Variants in MAN2A1 observed in about 807,000 individuals in gnomAD.
MAN2A1 encodes mannosidase alpha class 2A member 1, also known as alpha-mannosidase 2.
A neutral mutation model predicts 142.6 loss-of-function variants in MAN2A1; 76 were observed. The ratio of observed to expected loss-of-function variants is 0.53; its 90% CI spans 0.44 to 0.65. The LOEUF is 0.65. Among genes scored for constraint, MAN2A1 ranks in the 30% least tolerant of loss-of-function variants. The pLI is 0.00. For missense variants in MAN2A1, 1,311 were observed against 1,365.1 expected (o/e 0.96, Z 0.62); for synonymous variants, 559 against 473.2 (o/e 1.18, Z -2.35).
chr5:109,861,154 T>C (rs1047138394), intron 20 of MAN2A1, among the ~76,000 whole-genome samples: 4 of 152,154 alleles, frequency 2.6e-5, no homozygotes, highest in Admixed American at 1.3e-4. Context: ...GTCAGGCTAC[T>C]CCTTAGTAAC....
intron 4 of MAN2A1, among the ~76,000 whole-genome samples, chr5:109,736,188 C>A (rs1237563831): frequency 6.6e-6 from 1 of 152,064 alleles, no homozygotes; most frequent in African/African-American, 2.4e-5. Flanking sequence ...TGCATAAACA[C>A]ACACACACAG....
At chr5:109,773,259 T>G (rs1379861557) in intron 7 of MAN2A1, among the ~76,000 whole-genome samples, 1 of 152,202 alleles carries the variant, frequency 6.6e-6, no homozygotes, top group African/African-American at 2.4e-5. Flanking sequence ...TGGACAGGCT[T>G]GAGAGTTAGG....
rs1259028143 is a variant in MAN2A1 at position 109,868,317 on chromosome 5, G to A, written c.*1319G>A. 6.6e-6 allele frequency: 1 copy of A among 152,140 alleles called. No homozygotes were observed. The highest frequency in any genetic ancestry group is 1.9e-4 in the East Asian group (1 of 5,200). The allele number at this position is 152,140 out of a possible 1,614,324, so 9.4% of individuals were successfully genotyped here. ...TGTGCTAACCTTAAAGTGAAGTTCT[G>A]AGCCCGTGTGCCATTACAGTGCTTT... On this transcript the variant is annotated 3_prime_UTR_variant, in exon 22 of 22. Coordinates refer to ENST00000261483, the MANE Select transcript of MAN2A1 (RefSeq NM_002372.4).
At chr5:109,798,729 T>C (rs1339033401) in intron 12 of MAN2A1, among the ~76,000 whole-genome samples, 5 of 152,318 alleles carry the variant, frequency 3.3e-5, no homozygotes, top group African/African-American at 1.2e-4. Context: ...TCGCCCAGGC[T>C]GGAGTGCAGT....
chr5:109,691,649 C>T lies in MAN2A1; in HGVS notation c.135+1097C>T, dbSNP rs555175282. Among the ~76,000 whole-genome samples the T allele has an allele frequency of 3.9e-5, 6 of 152,188 alleles. No individual in the cohort carries two copies. In the South Asian group the frequency reaches 1.0e-3, roughly 26 times the overall value. Reference sequence around the variant, plus strand: ...AATTGAGATTAAAGTAAAAACTTTACTGGAATTATTGTGAAAGTGAAAAAA... The same window carrying T: ...AATTGAGATTAAAGTAAAAACTTTATTGGAATTATTGTGAAAGTGAAAAAA... On this transcript the variant is annotated intron_variant, in intron 1 of 21. Transcript: ENST00000261483.
chr5:109,753,264 C>G (rs907043178), intron 4 of MAN2A1, among the ~76,000 whole-genome samples: 3 of 152,180 alleles, frequency 2.0e-5, no homozygotes, highest in Admixed American at 6.5e-5. Context: ...AGCCTCTAGA[C>G]TGTGGCTAAA....
intron 20 of MAN2A1, among the ~76,000 whole-genome samples, chr5:109,858,913 C>T (rs1227741624): frequency 6.6e-6 from 1 of 152,242 alleles, no homozygotes; most frequent in African/African-American, 2.4e-5. Flanking sequence ...TGACAACCCA[C>T]TGAGGTGGTT....
chr5:109,824,101 T>G (rs1754699870), intron 16 of MAN2A1, among the ~76,000 whole-genome samples: 1 of 152,240 alleles, frequency 6.6e-6, no homozygotes, highest in Admixed American at 6.5e-5. Context: ...ACTGGTAACT[T>G]TATTTTTAAC....
At chr5:109,784,138 T>A (rs1175154456) in intron 9 of MAN2A1, among the ~76,000 whole-genome samples, 1 of 152,170 alleles carries the variant, frequency 6.6e-6, no homozygotes, top group African/African-American at 2.4e-5. Flanking sequence ...TAAGCCACCA[T>A]GCCCAGCCGA....
intron 3 of MAN2A1, among the ~76,000 whole-genome samples, chr5:109,728,971 C>T (rs1356020323): frequency 6.6e-6 from 1 of 151,902 alleles, no homozygotes; most frequent in East Asian, 1.9e-4. Flanking sequence ...AACAGTACTG[C>T]CAACTTGTAA....
chr5:109,806,632 C>A (rs1754173740), intron 12 of MAN2A1, among the ~76,000 whole-genome samples: 1 of 152,102 alleles, frequency 6.6e-6, no homozygotes, highest in African/African-American at 2.4e-5. Context: ...TCATACTTTC[C>A]TTGCCATTCT....
intron 4 of MAN2A1, among the ~76,000 whole-genome samples, chr5:109,750,591 C>G (rs935360545): frequency 6.6e-6 from 1 of 152,158 alleles, no homozygotes; most frequent in African/African-American, 2.4e-5. Context: ...AAGCTATGTG[C>G]TTTCTGGCCT....
At chr5:109,798,952 A>G (rs1263505976) in intron 12 of MAN2A1, among the ~76,000 whole-genome samples, 1 of 152,084 alleles carries the variant, frequency 6.6e-6, no homozygotes, top group Non-Finnish European at 1.5e-5. Context: ...TCAGCCTCCA[A>G]AAGTGCTGGG....
At chr5:109,715,609 A>G (rs1056770095) in intron 2 of MAN2A1, among the ~76,000 whole-genome samples, 27 of 152,162 alleles carry the variant, frequency 1.8e-4, no homozygotes, top group African/African-American at 6.3e-4. Context: ...CTAGGATAAG[A>G]TAGGTAGATA....
chr5:109,741,662 C>T (rs527626056), intron 4 of MAN2A1, among the ~76,000 whole-genome samples: 1 of 152,232 alleles, frequency 6.6e-6, no homozygotes, highest in South Asian at 2.1e-4. Context: ...TTAACAGAAA[C>T]AAAACTCAAA....
chr5:109,773,689 A>C (rs1753210248), intron 7 of MAN2A1, among the ~76,000 whole-genome samples: 2 of 152,170 alleles, frequency 1.3e-5, no homozygotes, highest in Admixed American at 1.3e-4. Context: ...TTATATTTGC[A>C]AAGCAATTTC....
chr5:109,724,204 G>A (rs1200289738), intron 3 of MAN2A1, among the ~76,000 whole-genome samples: 1 of 152,076 alleles, frequency 6.6e-6, no homozygotes, highest in African/African-American at 2.4e-5. Flanking sequence ...GAAGAAACCT[G>A]TTCGTCATTT....
intron 4 of MAN2A1, among the ~76,000 whole-genome samples, chr5:109,732,498 C>T (rs1337543054): frequency 1.3e-5 from 2 of 152,222 alleles, no homozygotes; most frequent in South Asian, 4.1e-4. Flanking sequence ...GATTTTAGGT[C>T]TAACGTTTAA....
chr5:109,758,462 A>T (rs1048945724), intron 5 of MAN2A1, among the ~76,000 whole-genome samples: 1 of 151,452 alleles, frequency 6.6e-6, no homozygotes. Flanking sequence ...TTATTTTCTC[A>T]TTCTGTGGTT....
Sources: allele counts gnomAD v4.1 joint callset (sites outside exome capture counted in the v4.1 genomes callset), GRCh38; gene constraint gnomAD v4.1.1; transcripts MANE v1.5; gene names NCBI Gene and HGNC (gene_info 2026-07-23, HGNC 2026-07-21).